The following PCDH9 variants were observed in gnomAD, a reference collection of about 807,000 sequenced individuals.
The protein encoded by PCDH9 is protocadherin-9.
In PCDH9, 24 loss-of-function variants were observed where a neutral mutation model predicts 70.6. The observed-to-expected ratio is 0.34, with a 90% CI of 0.25 to 0.48. The LOEUF is 0.48. Ranked by LOEUF, PCDH9 falls within the 20% of genes least tolerant of loss-of-function variation. PCDH9 has a pLI of 0.99. For synonymous variants in PCDH9, 562 were observed against 558.5 expected (o/e 1.01, Z -0.09); for missense variants, 1,281 against 1,503.6 (o/e 0.85, Z 2.45).
intron 4 of PCDH9, among the ~76,000 whole-genome samples, chr13:66,613,299 C>G (rs957198857): frequency 3.3e-5 from 5 of 152,176 alleles, no homozygotes; most frequent in Admixed American, 3.3e-4. Flanking sequence ...TTAAACTTAT[C>G]TCCCTGGTGA....
Position 66,916,199 on chromosome 13 carries a change from C to T in PCDH9, c.3037-12594G>A, listed in dbSNP as rs193071153. 2.1e-3 allele frequency among the ~76,000 whole-genome samples: 325 copies of T among 151,738 alleles called. 5 individuals carry two copies. The highest frequency in any genetic ancestry group is 7.4e-3 in the African/African-American group (305 of 41,476). On this transcript the variant is annotated intron_variant, in intron 2 of 4. Coordinates refer to ENST00000377865, the MANE Select transcript of PCDH9 (RefSeq NM_203487.3). Reference sequence around the variant, plus strand: ...AGACAAATTCAGATATATTCTCAATCCCGTATTTTAAATTATATGTTGACA... The same window carrying T: ...AGACAAATTCAGATATATTCTCAATTCCGTATTTTAAATTATATGTTGACA...
At chr13:66,892,089 C>T (rs1422384234) in intron 3 of PCDH9, among the ~76,000 whole-genome samples, 1 of 151,166 alleles carries the variant, frequency 6.6e-6, no homozygotes, top group Non-Finnish European at 1.5e-5. Flanking sequence ...TCTGATATTA[C>T]CCTATGAATC....
intron 2 of PCDH9, among the ~76,000 whole-genome samples, chr13:67,026,387 T>C (rs1417532611): frequency 6.6e-6 from 1 of 152,144 alleles, no homozygotes. Context: ...GAACTCTTAA[T>C]AAATTAGGTA....
intron 3 of PCDH9, among the ~76,000 whole-genome samples, chr13:66,789,821 T>C (rs1221897025): frequency 6.6e-6 from 1 of 152,196 alleles, no homozygotes; most frequent in Non-Finnish European, 1.5e-5. Flanking sequence ...TTTGCTGCTA[T>C]ATTCTTGCAT....
chr13:67,034,775 A>G (rs2084977766), intron 2 of PCDH9, among the ~76,000 whole-genome samples: 1 of 151,418 alleles, frequency 6.6e-6, no homozygotes, highest in South Asian at 2.1e-4. Context: ...TTATTTCATC[A>G]CCTATTTCTT....
rs115434931 is a variant in PCDH9, at chr13:66,704,541, G to A, written c.3139-73130C>T. Reference sequence around the variant, plus strand: ...ACAATAAGGTAAGTCTCTGACACTTGAGAAAACTAAATTTAAAAGGTGGTG... The same window carrying A: ...ACAATAAGGTAAGTCTCTGACACTTAAGAAAACTAAATTTAAAAGGTGGTG... On this transcript the variant is annotated intron_variant, in intron 3 of 4. Transcript: ENST00000377865. Among the ~76,000 whole-genome samples the A allele has an allele frequency of 2.1e-3, 320 of 152,216 alleles. 1 individual carries two copies. Among genetic ancestry groups the A allele is most frequent in the African/African-American group, 7.6e-3 (314 of 41,530 alleles).
At chr13:67,039,800 C>A (rs1021514874) in intron 2 of PCDH9, among the ~76,000 whole-genome samples, 1 of 152,190 alleles carries the variant, frequency 6.6e-6, no homozygotes, top group Middle Eastern at 3.4e-3. Flanking sequence ...GACTTTGTAG[C>A]GAAGTTGAAC....
chr13:66,621,033 T>C (rs1025836297), intron 4 of PCDH9, among the ~76,000 whole-genome samples: 4 of 152,162 alleles, frequency 2.6e-5, no homozygotes, highest in African/African-American at 7.2e-5. Flanking sequence ...TACGAAGATA[T>C]ATCAAGGTAA....
At chr13:66,333,420 A>C (rs890392382) in intron 4 of PCDH9, among the ~76,000 whole-genome samples, 3 of 152,152 alleles carry the variant, frequency 2.0e-5, no homozygotes, top group Non-Finnish European at 4.4e-5. Context: ...GTTCTGCACA[A>C]TCCAGCCTCA....
At position 66,388,965 on chromosome 13, in the gene PCDH9, T is replaced by C. The variant is rs529444561; in HGVS notation, c.3341-83937A>G. The stretch of plus-strand genomic sequence containing the variant: ...TAACCATATTTTGTCTTAAATTATT[T>C]CAAAATAAATTATTATGCAACATTT... On this transcript the variant is annotated intron_variant, in intron 4 of 4. Transcript: ENST00000377865. Among the ~76,000 whole-genome samples, 7 of 152,306 alleles carry C rather than the reference T, an allele frequency of 4.6e-5. No individual in the cohort carries two copies. In the East Asian group the frequency reaches 1.3e-3, roughly 29 times the overall value.
At chr13:66,831,587 A>T (rs1423138266) in intron 3 of PCDH9, among the ~76,000 whole-genome samples, 1 of 152,198 alleles carries the variant, frequency 6.6e-6, no homozygotes, top group Admixed American at 6.5e-5. Flanking sequence ...AACATTTAAA[A>T]AGCAGAACAG....
At chr13:66,314,936 A>G (rs915189474) in intron 4 of PCDH9, among the ~76,000 whole-genome samples, 16 of 152,224 alleles carry the variant, frequency 1.1e-4, no homozygotes, top group African/African-American at 3.9e-4. Context: ...TTAGTTAATC[A>G]AAAGAGATTG....
At chr13:67,040,409 A>C (rs1042846643) in intron 2 of PCDH9, among the ~76,000 whole-genome samples, 1 of 152,186 alleles carries the variant, frequency 6.6e-6, no homozygotes, top group Admixed American at 6.5e-5. Flanking sequence ...CAGGAGTTCA[A>C]CATCAGCCTG....
chr13:66,533,891 G>C (rs1960576282), intron 4 of PCDH9, among the ~76,000 whole-genome samples: 1 of 152,054 alleles, frequency 6.6e-6, no homozygotes, highest in Non-Finnish European at 1.5e-5. Context: ...ATTAAAATTG[G>C]ATTTGATGAA....
chr13:66,706,323 C>T (rs1228276345), intron 3 of PCDH9, among the ~76,000 whole-genome samples: 1 of 152,152 alleles, frequency 6.6e-6, no homozygotes, highest in Non-Finnish European at 1.5e-5. Context: ...ATTCAGTCAG[C>T]CTGACCTTGG....
intron 4 of PCDH9, among the ~76,000 whole-genome samples, chr13:66,322,056 G>A (rs906043319): frequency 2.0e-5 from 3 of 151,700 alleles, no homozygotes; most frequent in Non-Finnish European, 2.9e-5. Flanking sequence ...GGATGCATGG[G>A]GGGGGTGTGA....
chr13:66,631,627 T>C (rs1169889159), intron 3 of PCDH9, among the ~76,000 whole-genome samples: 1 of 152,176 alleles, frequency 6.6e-6, no homozygotes. Context: ...TCTTGTATAA[T>C]TCACGACCTT....
intron 3 of PCDH9, among the ~76,000 whole-genome samples, chr13:66,865,806 G>A (rs1234423564): frequency 6.6e-6 from 1 of 152,152 alleles, no homozygotes; most frequent in East Asian, 1.9e-4. Flanking sequence ...TATGGCAGCT[G>A]TAACAGAATT....
intron 4 of PCDH9, among the ~76,000 whole-genome samples, chr13:66,530,225 T>C (rs1291754582): frequency 1.3e-5 from 2 of 152,214 alleles, no homozygotes; most frequent in African/African-American, 4.8e-5. Flanking sequence ...AAAGAAATTA[T>C]AAATACTGTC....
Sources: allele counts gnomAD v4.1 joint callset (sites outside exome capture counted in the v4.1 genomes callset), GRCh38; gene constraint gnomAD v4.1.1; transcripts MANE v1.5; gene names NCBI Gene and HGNC (gene_info 2026-07-23, HGNC 2026-07-21).